The following NVL variants were observed in gnomAD, a reference collection of about 807,000 sequenced individuals.
The protein encoded by NVL is nuclear valosin-containing protein-like.
NVL carries 84 observed loss-of-function variants against 110.2 expected under a neutral mutation model. The observed-to-expected ratio is 0.76, with a 90% CI of 0.64 to 0.91. The LOEUF (loss-of-function observed/expected upper bound fraction) is 0.91. Ranked by LOEUF, NVL falls within the 40% of genes least tolerant of loss-of-function variation. NVL has a pLI of 0.00. For synonymous variants in NVL, 354 were observed against 361.1 expected (o/e 0.98, Z 0.22); for missense variants, 882 against 1,035.9 (o/e 0.85, Z 2.04).
At chr1:224,277,685 T>C (rs886079986) in intron 16 of NVL, among the ~76,000 whole-genome samples, 1 of 152,224 alleles carries the variant, frequency 6.6e-6, no homozygotes, top group Non-Finnish European at 1.5e-5. Context: ...ACATTTATTA[T>C]CTCAAAATCT....
intron 4 of NVL, among the ~76,000 whole-genome samples, chr1:224,317,112 C>G (rs1271686082): frequency 6.7e-6 from 1 of 149,830 alleles, no homozygotes; most frequent in Non-Finnish European, 1.5e-5. Context: ...GCACTCCAGC[C>G]TGGGTGACAG....
At chr1:224,315,133 G>A (rs1319490048) in intron 4 of NVL, among the ~76,000 whole-genome samples, 2 of 150,058 alleles carry the variant, frequency 1.3e-5, no homozygotes, top group African/African-American at 4.9e-5. Context: ...ATAGCTCATT[G>A]TAACCTTCAA....
chr1:224,241,841 A>C (rs1364128341), intron 19 of NVL, among the ~76,000 whole-genome samples: 1 of 141,562 alleles, frequency 7.1e-6, no homozygotes, highest in Non-Finnish European at 1.5e-5. Flanking sequence ...AGGGAACAAG[A>C]GTGAGACCTC....
rs1269840843 is a variant in NVL at position 224,294,489 on chromosome 1, G to A, written c.1181-78C>T. 4.8e-6 allele frequency: 7 copies of A among 1,461,382 alleles called. No homozygotes were observed. In the African/African-American group the frequency reaches 5.6e-5, roughly 12 times the overall value. The allele number at this position is 1,461,382 out of a possible 1,614,324, so 90.5% of individuals were successfully genotyped here. A position where few individuals can be genotyped will look rare whatever the true frequency, so the allele number is the denominator to read the frequency against. On this transcript the variant is annotated intron_variant, in intron 11 of 22. Coordinates refer to ENST00000281701, the MANE Select transcript of NVL (RefSeq NM_002533.4). Reference sequence around the variant, plus strand: ...ATAATGGTTACAGAATCATTTCATGGTTAAAGATAAAGTATTACAGATTTT... The same window carrying A: ...ATAATGGTTACAGAATCATTTCATGATTAAAGATAAAGTATTACAGATTTT...
At chr1:224,313,179 A>AAAAAAAAAAAAG (rs1553335858) in intron 4 of NVL, 1 of 169,610 alleles carries the variant, frequency 5.9e-6, no homozygotes. Context: ...AAAAAAAAAA[A>AAAAAAAAAAAAG]ACAAGCAAAT....
chr1:224,262,756 G>T (rs1183759928), intron 18 of NVL, among the ~76,000 whole-genome samples: 1 of 151,994 alleles, frequency 6.6e-6, no homozygotes, highest in East Asian at 1.9e-4. Flanking sequence ...CAAAGCAAAA[G>T]AAAAAAATGA....
chr1:224,307,357 G>A (rs1218001122), intron 6 of NVL, among the ~76,000 whole-genome samples: 1 of 152,184 alleles, frequency 6.6e-6, no homozygotes, highest in Non-Finnish European at 1.5e-5. Flanking sequence ...GACGTTAGTG[G>A]CTGTCACAGG....
At chr1:224,324,427 T>C (rs1236814007) in intron 2 of NVL, among the ~76,000 whole-genome samples, 1 of 152,172 alleles carries the variant, frequency 6.6e-6, no homozygotes. Flanking sequence ...GATAACATTA[T>C]TTTTATTTAT....
rs1311016392 is a variant in NVL, at chr1:224,286,142, G to C, written c.1795-12C>G. 6.3e-7 allele frequency: 1 copy of C among 1,587,696 alleles called. No homozygotes were observed. The highest frequency in any genetic ancestry group is 8.6e-7 in the Non-Finnish European group (1 of 1,156,610). On this transcript the variant is annotated splice_polypyrimidine_tract_variant and intron_variant, in intron 14 of 22. Coordinates refer to ENST00000281701, the MANE Select transcript of NVL (RefSeq NM_002533.4). ...TTGCGTACTGGTGCCTGGAAATAAT[G>C]ATACAAACGGCGATCCATTACATGT...
chr1:224,277,755 C>T (rs1366506481), intron 16 of NVL, among the ~76,000 whole-genome samples: 1 of 152,114 alleles, frequency 6.6e-6, no homozygotes, highest in Non-Finnish European at 1.5e-5. Context: ...CATTATTAAA[C>T]ATATTTTCCC....
chr1:224,251,271 C>CAACAAA (rs1662464151), intron 18 of NVL, among the ~76,000 whole-genome samples: 1 of 62,172 alleles, frequency 1.6e-5, no homozygotes. Flanking sequence ...GATACTGTCT[C>CAACAAA]AAAAAAAAAA....
At chr1:224,329,686 T>C (rs1175944965) in intron 1 of NVL, among the ~76,000 whole-genome samples, 1 of 152,192 alleles carries the variant, frequency 6.6e-6, no homozygotes, top group African/African-American at 2.4e-5. Context: ...TAACATATTA[T>C]TTATGCCACC....
intron 19 of NVL, among the ~76,000 whole-genome samples, chr1:224,238,806 G>A (rs924497713): frequency 6.6e-6 from 1 of 152,034 alleles, no homozygotes; most frequent in Non-Finnish European, 1.5e-5. Flanking sequence ...TGTCGGTGTG[G>A]GAATGTTCTA....
At chr1:224,285,081 A>G (rs1395126785) in intron 15 of NVL, among the ~76,000 whole-genome samples, 1 of 152,256 alleles carries the variant, frequency 6.6e-6, no homozygotes, top group East Asian at 1.9e-4. Context: ...ATGTGTATCA[A>G]TATATACTGA....
chr1:224,277,554 G>A (rs942817214), intron 16 of NVL, among the ~76,000 whole-genome samples: 14 of 152,104 alleles, frequency 9.2e-5, no homozygotes, highest in Admixed American at 2.6e-4. Flanking sequence ...AAGTTTCAAC[G>A]AGGACATATT....
In NVL at chr1:224,296,631, A is replaced by G. The variant is rs780792555; in HGVS notation, c.1063-13T>C. The stretch of plus-strand genomic sequence containing the variant: ...ATGGTGCATTTGACTAGAAATAAAA[A>G]TATCACAAAAAGACAATCATAAATG... On this transcript the variant is annotated splice_polypyrimidine_tract_variant and intron_variant, in intron 10 of 22. Transcript: ENST00000281701. 9 of 1,495,184 alleles carry G rather than the reference A, an allele frequency of 6.0e-6. No homozygotes were observed. The highest frequency in any genetic ancestry group is 8.3e-6 in the Non-Finnish European group (9 of 1,087,770). The allele number at this position is 1,495,184 out of a possible 1,614,324, so 92.6% of individuals were successfully genotyped here.
intron 4 of NVL, among the ~76,000 whole-genome samples, chr1:224,314,173 A>C (rs1263702229): frequency 1.3e-5 from 2 of 152,222 alleles, no homozygotes; most frequent in Non-Finnish European, 2.9e-5. Context: ...ATGCACTGGA[A>C]ATCTCAAAAA....
intron 15 of NVL, among the ~76,000 whole-genome samples, chr1:224,281,856 G>A (rs889354206): frequency 6.6e-6 from 1 of 150,580 alleles, no homozygotes; most frequent in Admixed American, 6.6e-5. Flanking sequence ...GAGAGGCTGA[G>A]ACAGGAGAAT....
At position 224,294,314 on chromosome 1, in the gene NVL, G is replaced by A. The variant is rs905981923; in HGVS notation, c.1278C>T (p.Phe426=). Residue 426 remains phenylalanine, a synonymous_variant, in exon 12 of 23, where the codon TTC becomes TTT. Transcript: ENST00000281701. ...GGATACCTAGGCATATTTCTCGGTC[G>A]AACCTTCCCGCACGTCTCAAAGCAG... ...LDPALRRAGR[F]DREICLGIPD... 6.2e-6 allele frequency: 10 copies of A among 1,613,912 alleles called. No homozygotes were observed. Among genetic ancestry groups the A allele is most frequent in the South Asian group, 2.2e-5 (2 of 91,076 alleles).
Sources: gnomAD v4.1 joint callset for allele counts (sites outside exome capture counted in the v4.1 genomes callset) on GRCh38, gnomAD v4.1.1 for gene constraint, MANE v1.5 for transcripts, NCBI Gene and HGNC (gene_info 2026-07-23, HGNC 2026-07-21) for gene names.